DLGAP2: variants seen among roughly 807,000 people sequenced by gnomAD.
The protein encoded by DLGAP2 is DLG associated protein 2, also known as disks large-associated protein 2.
Under a neutral mutation model 100.3 loss-of-function variants are expected in DLGAP2, and 26 were observed. The ratio of observed to expected loss-of-function variants is 0.26; its 90% CI spans 0.19 to 0.36. The LOEUF (loss-of-function observed/expected upper bound fraction) is 0.36, where lower values mean the gene tolerates loss of function less well. Ranked by LOEUF, DLGAP2 falls within the 10% of genes least tolerant of loss-of-function variation. The pLI, the probability that DLGAP2 is intolerant of heterozygous loss-of-function variation, is 1.00. For synonymous variants in DLGAP2, 886 were observed against 630.1 expected, an observed-to-expected ratio of 1.41 and a Z score of -6.08; for missense variants, 1,858 against 1,453.2, an observed-to-expected ratio of 1.28 and a Z score of -4.53.
intron 3 of DLGAP2, among the ~76,000 whole-genome samples, chr8:1,307,050 A>G (rs961672519): frequency 6.6e-6 from 1 of 152,206 alleles, no homozygotes; most frequent in African/African-American, 2.4e-5. Flanking sequence ...CTTCATCAGA[A>G]TTAAAGCTTG....
At chr8:779,430 C>A (rs748069087) in intron 1 of DLGAP2, among the ~76,000 whole-genome samples, 1 of 151,872 alleles carries the variant, frequency 6.6e-6, no homozygotes, top group Non-Finnish European at 1.5e-5. Context: ...CAGTCCAGAG[C>A]ATGCTTTTCT....
intron 3 of DLGAP2, among the ~76,000 whole-genome samples, chr8:1,261,217 C>G (rs1406682585): frequency 6.6e-6 from 1 of 151,156 alleles, no homozygotes; most frequent in African/African-American, 2.4e-5. Flanking sequence ...TAAAACGAGA[C>G]AGACTGGAAG....
chr8:1,431,651 G>C (rs1375503982), intron 3 of DLGAP2, among the ~76,000 whole-genome samples: 1 of 143,822 alleles, frequency 7.0e-6, no homozygotes, highest in African/African-American at 2.5e-5. Context: ...GATGAGACCG[G>C]GGCTTGTCCT....
intron 2 of DLGAP2, among the ~76,000 whole-genome samples, chr8:959,840 A>G (rs1374686380): frequency 6.6e-6 from 1 of 152,232 alleles, no homozygotes; most frequent in Non-Finnish European, 1.5e-5. Context: ...ATTAAAAACA[A>G]TGATTTTCAT....
chr8:1,470,197 G>C (rs959043441), intron 3 of DLGAP2, among the ~76,000 whole-genome samples: 2 of 152,036 alleles, frequency 1.3e-5, no homozygotes, highest in Admixed American at 6.6e-5. Context: ...CTGAAAGACA[G>C]GATCATGCCA....
intron 3 of DLGAP2, among the ~76,000 whole-genome samples, chr8:1,322,504 C>T (rs28719689): frequency 0.15 from 22,299 of 152,056 alleles, 1,891 homozygotes; most frequent in African/African-American, 0.23. Flanking sequence ...TGTGACTTCA[C>T]ACGTGTTGAT....
chr8:1,150,162 C>G (rs1160973259), intron 2 of DLGAP2, among the ~76,000 whole-genome samples: 2 of 152,266 alleles, frequency 1.3e-5, no homozygotes, highest in East Asian at 1.9e-4. Flanking sequence ...GTGTGAATCT[C>G]TTCGAAGAAA....
At chr8:1,517,646 A>G (rs1179531810) in intron 4 of DLGAP2, among the ~76,000 whole-genome samples, 1 of 152,176 alleles carries the variant, frequency 6.6e-6, no homozygotes, top group Non-Finnish European at 1.5e-5. Flanking sequence ...AAAATGCACC[A>G]CACAGCAGAA....
At chr8:1,100,898 A>G (rs1024199464) in intron 2 of DLGAP2, among the ~76,000 whole-genome samples, 30 of 152,234 alleles carry the variant, frequency 2.0e-4, no homozygotes, top group Admixed American at 1.8e-3. Flanking sequence ...TAACCATAGC[A>G]TTTCAAGTGC....
intron 1 of DLGAP2, among the ~76,000 whole-genome samples, chr8:859,398 C>T (rs1441522785): frequency 6.6e-6 from 1 of 152,188 alleles, no homozygotes; most frequent in Admixed American, 6.5e-5. Flanking sequence ...AGGTGTGAGC[C>T]AGCACACCTG....
intron 8 of DLGAP2, among the ~76,000 whole-genome samples, chr8:1,640,865 C>G (rs1797881338): frequency 6.6e-6 from 1 of 152,164 alleles, no homozygotes. Flanking sequence ...TTTTCATTGT[C>G]TTTGATTTAT....
chr8:1,186,181 T>C (rs1797499308), intron 2 of DLGAP2, among the ~76,000 whole-genome samples: 1 of 152,212 alleles, frequency 6.6e-6, no homozygotes, highest in Admixed American at 6.5e-5. Context: ...GTGCCAGGAT[T>C]GCGATGGGTC....
intron 1 of DLGAP2, among the ~76,000 whole-genome samples, chr8:855,137 G>C (rs191364484): frequency 1.6e-4 from 24 of 152,314 alleles, no homozygotes; most frequent in Admixed American, 1.3e-4. Context: ...CAGCGTCTTC[G>C]TGTGGGTGGC....
intron 3 of DLGAP2, among the ~76,000 whole-genome samples, chr8:1,328,349 C>T (rs1801070337): frequency 6.6e-6 from 1 of 151,752 alleles, no homozygotes; most frequent in African/African-American, 2.4e-5. Flanking sequence ...GATGGAGTCT[C>T]ACTGTGTCGC....
intron 2 of DLGAP2, among the ~76,000 whole-genome samples, chr8:1,200,030 T>G (rs915470036): frequency 6.6e-6 from 1 of 151,740 alleles, no homozygotes. Flanking sequence ...GTGGGGAGGC[T>G]GGGGGTGACC....
intron 4 of DLGAP2, among the ~76,000 whole-genome samples, chr8:1,525,653 C>A (rs890264299): frequency 6.6e-6 from 1 of 152,244 alleles, no homozygotes; most frequent in Non-Finnish European, 1.5e-5. Context: ...CCTTGAGATT[C>A]TAATGCTGGG....
chr8:1,333,134 G>T (rs1284685351), intron 3 of DLGAP2, among the ~76,000 whole-genome samples: 1 of 152,180 alleles, frequency 6.6e-6, no homozygotes, highest in African/African-American at 2.4e-5. Flanking sequence ...ACCTCCGGCT[G>T]CAGGCGTGAG....
intron 2 of DLGAP2, among the ~76,000 whole-genome samples, chr8:1,119,328 G>C (rs953630173): frequency 6.6e-6 from 1 of 152,234 alleles, no homozygotes; most frequent in Non-Finnish European, 1.5e-5. Context: ...TGTCCAGCGT[G>C]TTTAGCTAGA....
chr8:1,352,614 G>A (rs908000710), intron 3 of DLGAP2, among the ~76,000 whole-genome samples: 7 of 152,084 alleles, frequency 4.6e-5, no homozygotes, highest in Non-Finnish European at 7.4e-5. Flanking sequence ...CTGGAAGTTG[G>A]CCCATTTCTC....
Sources: allele counts gnomAD v4.1 joint callset (sites outside exome capture counted in the v4.1 genomes callset), GRCh38; gene constraint gnomAD v4.1.1; transcripts MANE v1.5; gene names NCBI Gene and HGNC (gene_info 2026-07-23, HGNC 2026-07-21).